CSMD1: variants seen among roughly 807,000 people sequenced by gnomAD.
CSMD1 encodes the protein CUB and sushi domain-containing protein 1.
In CSMD1, 213 loss-of-function variants were observed where a neutral mutation model predicts 417.5. The ratio of observed to expected loss-of-function variants is 0.51; its 90% CI spans 0.46 to 0.57. The LOEUF (loss-of-function observed/expected upper bound fraction) is 0.57, where lower values mean the gene tolerates loss of function less well. Among genes scored for constraint, CSMD1 ranks in the 20% least tolerant of loss-of-function variants. The pLI, the probability that CSMD1 is intolerant of heterozygous loss-of-function variation, is 0.00. For missense variants in CSMD1, 6,923 were observed against 4,529.7 expected, an observed-to-expected ratio of 1.53 and a Z score of -15.17; for synonymous variants, 2,862 against 1,736.8, an observed-to-expected ratio of 1.65 and a Z score of -16.11.
At chr8:4,325,013 T>A (rs752310353) in intron 3 of CSMD1, among the ~76,000 whole-genome samples, 1 of 152,144 alleles carries the variant, frequency 6.6e-6, no homozygotes, top group African/African-American at 2.4e-5. Flanking sequence ...TGGTCACTCA[T>A]TGAGTGAGTG....
intron 30 of CSMD1, among the ~76,000 whole-genome samples, chr8:3,205,976 A>G (rs961023649): frequency 6.6e-6 from 1 of 152,184 alleles, no homozygotes; most frequent in Admixed American, 6.5e-5. Flanking sequence ...CAATCCTCAT[A>G]TTAACTTAAG....
intron 3 of CSMD1, among the ~76,000 whole-genome samples, chr8:4,178,442 G>A (rs1584965937): frequency 1.3e-5 from 2 of 151,070 alleles, no homozygotes; most frequent in South Asian, 2.1e-4. Flanking sequence ...AAAATAATAA[G>A]AGCTATCTAT....
chr8:3,597,861 A>G (rs1471159840), intron 8 of CSMD1, among the ~76,000 whole-genome samples: 1 of 152,214 alleles, frequency 6.6e-6, no homozygotes, highest in East Asian at 1.9e-4. Context: ...GGGGAGGGAT[A>G]GCATTAGCAG....
intron 1 of CSMD1, among the ~76,000 whole-genome samples, chr8:4,723,326 G>A (rs192089711): frequency 5.9e-5 from 9 of 152,228 alleles, no homozygotes; most frequent in East Asian, 1.9e-4. Flanking sequence ...ATTGATACCC[G>A]GGAGTTAGAA....
chr8:3,690,137 T>C (rs551606832), intron 7 of CSMD1, among the ~76,000 whole-genome samples: 1 of 152,242 alleles, frequency 6.6e-6, no homozygotes, highest in East Asian at 1.9e-4. Context: ...GACCGGAGGA[T>C]CACTTAAGCC....
At chr8:3,448,763 G>C (rs1054916086) in intron 12 of CSMD1, among the ~76,000 whole-genome samples, 9 of 152,118 alleles carry the variant, frequency 5.9e-5, no homozygotes, top group African/African-American at 2.2e-4. Context: ...ACAGAGAAAA[G>C]CTTTAGACAC....
At chr8:4,390,344 CATA>C (rs1194665803) in intron 3 of CSMD1, among the ~76,000 whole-genome samples, 2 of 151,936 alleles carry the variant, frequency 1.3e-5, no homozygotes, top group African/African-American at 2.4e-5. Flanking sequence ...GAGAAATAAC[CATA>C]ATAATACCAC....
intron 2 of CSMD1, among the ~76,000 whole-genome samples, chr8:4,584,738 G>A (rs1242689316): frequency 6.6e-6 from 1 of 152,054 alleles, no homozygotes; most frequent in African/African-American, 2.4e-5. Context: ...TGCCCTCTGG[G>A]TCCTAATGCC....
rs142372993 is a variant in CSMD1, at chr8:4,196,008, G to T, written c.416-163909C>A. Among the ~76,000 whole-genome samples, 976 of 152,104 alleles carry T rather than the reference G, an allele frequency of 6.4e-3. 10 individuals carry two copies. The highest frequency in any genetic ancestry group is 0.023 in the African/African-American group (945 of 41,488). On this transcript the variant is annotated intron_variant, in intron 3 of 69. Transcript: ENST00000635120. ...GAGCGGATCATGAGGTCATGCGATC[G>T]AGACCATCCTGGCTAACACAGTGAA...
chr8:4,347,256 GA>G (rs1305529995), intron 3 of CSMD1, among the ~76,000 whole-genome samples: 3 of 152,048 alleles, frequency 2.0e-5, no homozygotes, highest in Non-Finnish European at 4.4e-5. Context: ...AGACATCCAC[GA>G]TTTGGGGTAA....
At chr8:4,603,123 A>C (rs1800683839) in intron 2 of CSMD1, among the ~76,000 whole-genome samples, 1 of 152,010 alleles carries the variant, frequency 6.6e-6, no homozygotes, top group Non-Finnish European at 1.5e-5. Context: ...TTTTGGCTTG[A>C]ATTTTTTATG....
At chr8:3,867,696 C>A (rs374567533) in intron 5 of CSMD1, among the ~76,000 whole-genome samples, 1 of 152,096 alleles carries the variant, frequency 6.6e-6, no homozygotes, top group Non-Finnish European at 1.5e-5. Context: ...ATGTACTACA[C>A]TTAACTCATG....
intron 8 of CSMD1, 71 bp from the exon 9 acceptor site, chr8:3,586,331 A>AT: frequency 7.9e-7 from 1 of 1,263,806 alleles, no homozygotes; most frequent in South Asian, 1.5e-5. Context: ...AAAAAAAAAA[A>AT]TCAGCAAAAT....
At chr8:4,646,489 T>G (rs575475423) in intron 1 of CSMD1, among the ~76,000 whole-genome samples, 6 of 152,184 alleles carry the variant, frequency 3.9e-5, no homozygotes, top group African/African-American at 1.4e-4. Context: ...TAAATTGATG[T>G]AGTTTAATTG....
intron 3 of CSMD1, among the ~76,000 whole-genome samples, chr8:4,358,210 T>C (rs1008714946): frequency 3.9e-5 from 6 of 152,238 alleles, no homozygotes; most frequent in East Asian, 1.9e-4. Flanking sequence ...TGGGGTGTTA[T>C]AATTTTATGT....
intron 3 of CSMD1, among the ~76,000 whole-genome samples, chr8:4,331,787 G>A (rs936133374): frequency 2.6e-5 from 4 of 152,106 alleles, no homozygotes; most frequent in African/African-American, 9.7e-5. Flanking sequence ...AGAGGTTTTT[G>A]TATTTGACTC....
At chr8:3,677,005 G>A (rs1253156084) in intron 7 of CSMD1, among the ~76,000 whole-genome samples, 3 of 152,046 alleles carry the variant, frequency 2.0e-5, no homozygotes, top group Non-Finnish European at 4.4e-5. Context: ...GCCTGTTGCG[G>A]GGTTGGGGGC....
Position 4,706,732 on chromosome 8 carries a change from G to T in CSMD1, c.86-69174C>A, listed in dbSNP as rs570531021. 2.0e-5 allele frequency among the ~76,000 whole-genome samples: 3 copies of T among 152,282 alleles called. No homozygotes were observed. In the East Asian group the frequency reaches 5.8e-4, roughly 29 times the overall value. On this transcript the variant is annotated intron_variant, in intron 1 of 69. Coordinates refer to ENST00000635120, the MANE Select transcript of CSMD1 (RefSeq NM_033225.6). ...AAACAAAAGACAGAGATGTGGCCGG[G>T]GAGGCAGAGGGTCAGAGAGAAGGGC...
At chr8:3,977,825 G>C (rs1315204190) in intron 5 of CSMD1, among the ~76,000 whole-genome samples, 1 of 152,108 alleles carries the variant, frequency 6.6e-6, no homozygotes, top group African/African-American at 2.4e-5. Context: ...GATTCTGTAG[G>C]TTTTCAGCAA....
Sources: gnomAD v4.1 joint callset for allele counts (sites outside exome capture counted in the v4.1 genomes callset) on GRCh38, gnomAD v4.1.1 for gene constraint, MANE v1.5 for transcripts, NCBI Gene and HGNC (gene_info 2026-07-23, HGNC 2026-07-21) for gene names.